RSPO2: variants seen among roughly 807,000 people sequenced by gnomAD.
RSPO2 encodes R-spondin 2, also known as R-spondin-2.
Under a neutral mutation model 30.9 loss-of-function variants are expected in RSPO2, and 14 were observed. The ratio of observed to expected loss-of-function variants is 0.45; its 90% CI spans 0.30 to 0.71. The LOEUF (loss-of-function observed/expected upper bound fraction) is 0.71, where lower values mean the gene tolerates loss of function less well. RSPO2 is among the 30% of genes least tolerant of loss of function. The probability of loss-of-function intolerance (pLI) is 0.08; values close to 1 mark genes in which losing one functional copy is unlikely to be tolerated. For missense variants in RSPO2, 264 were observed against 301.9 expected, an observed-to-expected ratio of 0.87 and a Z score of 0.93; for synonymous variants, 107 against 96.4, an observed-to-expected ratio of 1.11 and a Z score of -0.64.
intron 3 of RSPO2, among the ~76,000 whole-genome samples, chr8:107,985,323 A>C (rs1349306200): frequency 6.6e-6 from 1 of 152,210 alleles, no homozygotes; most frequent in Non-Finnish European, 1.5e-5. Flanking sequence ...GTGTGTAAAA[A>C]TATGTGTATG....
intron 3 of RSPO2, among the ~76,000 whole-genome samples, chr8:107,977,628 G>A (rs996044615): frequency 1.3e-5 from 2 of 152,048 alleles, no homozygotes; most frequent in African/African-American, 2.4e-5. Context: ...AGACACCTAC[G>A]TAAAAAAACT....
At chr8:108,041,507 G>A (rs1811757916) in intron 2 of RSPO2, among the ~76,000 whole-genome samples, 1 of 151,904 alleles carries the variant, frequency 6.6e-6, no homozygotes, top group South Asian at 2.1e-4. Context: ...GAAATAGGAA[G>A]AAAAAAATAA....
At chr8:107,936,238 A>C (rs1345229700) in intron 5 of RSPO2, among the ~76,000 whole-genome samples, 1 of 151,966 alleles carries the variant, frequency 6.6e-6, no homozygotes, top group African/African-American at 2.4e-5. Context: ...TAACATAATG[A>C]CCTCCAGTTT....
At chr8:108,078,064 G>T (rs921183252) in intron 2 of RSPO2, among the ~76,000 whole-genome samples, 11 of 152,162 alleles carry the variant, frequency 7.2e-5, no homozygotes, top group African/African-American at 2.7e-4. Flanking sequence ...TAAATAAGAG[G>T]TGGTTTTGCA....
At chr8:107,957,958 C>G in intron 5 of RSPO2, 122 bp downstream of exon 5, 1 of 653,446 alleles carries the variant, frequency 1.5e-6, no homozygotes. Flanking sequence ...AACTTTATCC[C>G]CTCACCAATA....
intron 3 of RSPO2, among the ~76,000 whole-genome samples, chr8:107,963,359 C>T (rs1268128394): frequency 2.0e-5 from 3 of 151,124 alleles, no homozygotes; most frequent in African/African-American, 7.3e-5. Context: ...CATGGTAAAA[C>T]CCCATCTCTA....
rs968107272 is a variant in RSPO2, at chr8:108,058,729, G to A, written c.94+23816C>T. Reference sequence around the variant, plus strand: ...ACTATCTGATCTTTCACAAACCTGAGAAAAACAAGCAATGGGGAAAGGATT... The same window carrying A: ...ACTATCTGATCTTTCACAAACCTGAAAAAAACAAGCAATGGGGAAAGGATT... On this transcript the variant is annotated intron_variant, in intron 2 of 5. Coordinates refer to ENST00000276659, the MANE Select transcript of RSPO2 (RefSeq NM_178565.5). 4.0e-5 allele frequency among the ~76,000 whole-genome samples: 6 copies of A among 151,832 alleles called. 1 individual carries two copies. Among genetic ancestry groups the A allele is most frequent in the African/African-American group, 1.5e-4 (6 of 41,206 alleles).
At chr8:108,056,510 C>A (rs1812248578) in intron 2 of RSPO2, among the ~76,000 whole-genome samples, 1 of 150,092 alleles carries the variant, frequency 6.7e-6, no homozygotes, top group Non-Finnish European at 1.5e-5. Context: ...GTGGTCCCGG[C>A]TACTTGGGAG....
chr8:108,042,385 G>A (rs767752273), intron 2 of RSPO2, among the ~76,000 whole-genome samples: 5 of 152,082 alleles, frequency 3.3e-5, no homozygotes, highest in African/African-American at 9.7e-5. Context: ...ACTAAGCAGG[G>A]CTACAGAGTA....
chr8:108,079,460 A>T (rs1367339241), intron 2 of RSPO2, among the ~76,000 whole-genome samples: 1 of 152,076 alleles, frequency 6.6e-6, no homozygotes, highest in Non-Finnish European at 1.5e-5. Flanking sequence ...TATTTTCTCA[A>T]TCGTCTGGCT....
chr8:107,978,799 T>A (rs1318134609), intron 3 of RSPO2, among the ~76,000 whole-genome samples: 3 of 151,986 alleles, frequency 2.0e-5, no homozygotes, highest in Admixed American at 6.6e-5. Flanking sequence ...AGGGCTAATA[T>A]CCACAATCTA....
chr8:107,977,268 G>T (rs1395732786), intron 3 of RSPO2, among the ~76,000 whole-genome samples: 1 of 152,112 alleles, frequency 6.6e-6, no homozygotes, highest in Non-Finnish European at 1.5e-5. Flanking sequence ...ATTATTACAC[G>T]GTAGCAGTGA....
At chr8:108,017,014 CTTTTT>C (rs113953146) in intron 2 of RSPO2, among the ~76,000 whole-genome samples, 4 of 148,546 alleles carry the variant, frequency 2.7e-5, no homozygotes, top group African/African-American at 9.9e-5. Context: ...CTTTCTTTTT[CTTTTT>C]TTTTTCTTTT....
At chr8:108,076,322 G>A (rs138455655) in intron 2 of RSPO2, among the ~76,000 whole-genome samples, 50 of 152,284 alleles carry the variant, frequency 3.3e-4, no homozygotes, top group African/African-American at 1.2e-3. Flanking sequence ...ATGGAGGCCT[G>A]GGAGGTTTAG....
At chr8:107,960,929 CAG>C (rs1247375699) in intron 3 of RSPO2, 112 bp from the exon 4 acceptor site, 1 of 753,176 alleles carries the variant, frequency 1.3e-6, no homozygotes, top group Non-Finnish European at 2.1e-6. Flanking sequence ...TTCTCATCAT[CAG>C]AGAAATATTG....
intron 3 of RSPO2, among the ~76,000 whole-genome samples, chr8:107,964,436 G>T (rs1216741132): frequency 2.0e-5 from 3 of 152,092 alleles, no homozygotes; most frequent in Non-Finnish European, 4.4e-5. Flanking sequence ...TAGAGACGGG[G>T]TTTCACCATG....
In RSPO2 at chr8:107,941,561, A is replaced by G. The variant is rs549539357; in HGVS notation, c.616+16519T>C. On this transcript the variant is annotated intron_variant, in intron 5 of 5. Coordinates refer to ENST00000276659, the MANE Select transcript of RSPO2 (RefSeq NM_178565.5). ...CCCCCGGCTAGATATTTACTTAAAC[A>G]TAAATGAAAGCTATCATAAATTACT... Among the ~76,000 whole-genome samples the G allele has an allele frequency of 9.2e-5, 14 of 152,334 alleles. 1 individual carries two copies. In the East Asian group the frequency reaches 2.7e-3, roughly 29 times the overall value.
intron 5 of RSPO2, among the ~76,000 whole-genome samples, chr8:107,914,462 TAA>T (rs35990028): frequency 3.5e-5 from 5 of 142,918 alleles, no homozygotes; most frequent in South Asian, 2.2e-4. Flanking sequence ...ACAGAATAGG[TAA>T]AAAAAAAAAA....
intron 2 of RSPO2, among the ~76,000 whole-genome samples, chr8:108,051,261 G>A (rs1422856747): frequency 6.6e-6 from 1 of 152,148 alleles, no homozygotes; most frequent in East Asian, 1.9e-4. Flanking sequence ...TAGAATGTGT[G>A]CCACTGGCAG....
Sources: allele counts gnomAD v4.1 joint callset (sites outside exome capture counted in the v4.1 genomes callset), GRCh38; gene constraint gnomAD v4.1.1; transcripts MANE v1.5; gene names NCBI Gene and HGNC (gene_info 2026-07-23, HGNC 2026-07-21).